The following ANOS1 variants were observed in gnomAD, a reference collection of about 807,000 sequenced individuals.
ANOS1 encodes anosmin-1.
A neutral mutation model predicts 59.0 loss-of-function variants in ANOS1; 6 were observed. The ratio of observed to expected loss-of-function variants is 0.10; its 90% CI spans 0.06 to 0.20. The LOEUF (loss-of-function observed/expected upper bound fraction) is 0.20. ANOS1 is among the 10% of genes least tolerant of loss of function. ANOS1 has a pLI of 1.00. For synonymous variants in ANOS1, 217 were observed against 223.4 expected (o/e 0.97, Z 0.25); for missense variants, 433 against 542.3 (o/e 0.80, Z 2.00).
At chrX:8,589,998 C>T (rs1930587657) in intron 4 of ANOS1, among the ~76,000 whole-genome samples, 1 of 112,003 alleles carries the variant, frequency 8.9e-6, no homozygotes, top group Non-Finnish European at 1.9e-5. Context: ...TCCATGATGG[C>T]CACCTGACTT....
At chrX:8,667,564 T>C (rs1326445678) in intron 2 of ANOS1, among the ~76,000 whole-genome samples, 1 of 111,730 alleles carries the variant, frequency 9.0e-6, no homozygotes, top group Non-Finnish European at 1.9e-5. Flanking sequence ...TTCCAGAGAA[T>C]GAAAACCACT....
intron 2 of ANOS1, among the ~76,000 whole-genome samples, chrX:8,627,807 T>G (rs1844493713): frequency 9.2e-6 from 1 of 108,330 alleles, no homozygotes; most frequent in South Asian, 4.0e-4. Flanking sequence ...TCATACTTCA[T>G]GTAGAACAAA....
chrX:8,612,521 A>G (rs1202512623), intron 3 of ANOS1, among the ~76,000 whole-genome samples: 2 of 107,217 alleles, frequency 1.9e-5, no homozygotes, highest in African/African-American at 6.9e-5. Flanking sequence ...GGAAATGACA[A>G]AAAAATAAAG....
chrX:8,671,683 C>T (rs778836872), intron 2 of ANOS1, among the ~76,000 whole-genome samples: 49 of 106,318 alleles, frequency 4.6e-4, no homozygotes, highest in Admixed American at 2.7e-3. Flanking sequence ...ACATAGTATA[C>T]AATAGTATAG....
intron 2 of ANOS1, among the ~76,000 whole-genome samples, chrX:8,688,811 G>C (rs1932561347): frequency 8.9e-6 from 1 of 112,148 alleles, no homozygotes; most frequent in South Asian, 3.7e-4. Context: ...TCAGCAGACA[G>C]GCTAGTTTCT....
Position 8,686,869 on chromosome X carries a change from G to T in ANOS1, c.255+12829C>A, listed in dbSNP as rs767175591. 4.0e-3 allele frequency among the ~76,000 whole-genome samples: 447 copies of T among 112,061 alleles called. 2 individuals carry two copies. Among genetic ancestry groups the T allele is most frequent in the African/African-American group, 0.014 (431 of 30,841 alleles). ...CTCAGAAGGCTGAGGCAGGGGAATTGCTTGAACCCAGGAAGTGGAGGTTGC... is the reference window on the plus strand; with the variant it reads ...CTCAGAAGGCTGAGGCAGGGGAATTTCTTGAACCCAGGAAGTGGAGGTTGC... On this transcript the variant is annotated intron_variant, in intron 2 of 13. Transcript: ENST00000262648.
chrX:8,570,475 A>G (rs1169304636), intron 7 of ANOS1, 24 bp downstream of exon 7: 3 of 1,175,613 alleles, frequency 2.6e-6, no homozygotes, highest in Non-Finnish European at 3.5e-6. Flanking sequence ...GGGAATAACA[A>G]TCCTTCCTCC....
chrX:8,576,781 A>G (rs1473585440), intron 6 of ANOS1, among the ~76,000 whole-genome samples: 1 of 111,404 alleles, frequency 9.0e-6, no homozygotes, highest in African/African-American at 3.3e-5. Context: ...ACACCTCTAC[A>G]TGCCACACTC....
intron 6 of ANOS1, among the ~76,000 whole-genome samples, chrX:8,573,250 A>T (rs1460542762): frequency 9.1e-6 from 1 of 109,898 alleles, no homozygotes; most frequent in African/African-American, 3.3e-5. Flanking sequence ...TTTTGTAGAG[A>T]TGGGGTTTCA....
rs1013505804 is a variant in ANOS1 at position 8,666,771 on chromosome X, C to T, written c.255+32927G>A. 1.5e-4 allele frequency among the ~76,000 whole-genome samples: 17 copies of T among 111,771 alleles called. No homozygotes were observed. The South Asian group carries it at 3.8e-3, about 25-fold the overall frequency. On this transcript the variant is annotated intron_variant, in intron 2 of 13. Transcript: ENST00000262648. ...CCATCCAAAATGTGGACATTGACAT[C>T]GGCGCTGATAAGTCCCCTTCAACTT...
intron 2 of ANOS1, among the ~76,000 whole-genome samples, chrX:8,690,905 C>G (rs1478461470): frequency 3.6e-5 from 4 of 110,704 alleles, no homozygotes; most frequent in Non-Finnish European, 7.6e-5. Context: ...CACATACACT[C>G]CAAACCAAAT....
In ANOS1 at chrX:8,720,543, T is replaced by A. The variant is rs865827046; in HGVS notation, c.207+11287A>T. Among the ~76,000 whole-genome samples the A allele has an allele frequency of 2.3e-4, 26 of 112,100 alleles. No homozygotes were observed. In the South Asian group the frequency reaches 4.5e-3, roughly 19 times the overall value. On this transcript the variant is annotated intron_variant, in intron 1 of 13. Coordinates refer to ENST00000262648, the MANE Select transcript of ANOS1 (RefSeq NM_000216.4). ...AAAAGACGATTCATGGTTTTAATAGTTTCTTTCTTCACGTCAACAACTTGC... is the reference window on the plus strand; with the variant it reads ...AAAAGACGATTCATGGTTTTAATAGATTCTTTCTTCACGTCAACAACTTGC...
At chrX:8,552,915 A>G (rs1399764043) in intron 9 of ANOS1, among the ~76,000 whole-genome samples, 1 of 109,359 alleles carries the variant, frequency 9.1e-6, no homozygotes, top group African/African-American at 3.3e-5. Context: ...AAATATGTTA[A>G]TATTAATAAT....
intron 5 of ANOS1, 102 bp downstream of exon 5, chrX:8,587,692 T>C: frequency 1.7e-6 from 1 of 590,088 alleles, no homozygotes; most frequent in Non-Finnish European, 2.8e-6. Context: ...TTTATTTCTG[T>C]AGTCAAGCTA....
At chrX:8,587,621 T>C (rs1168752530) in intron 5 of ANOS1, among the ~76,000 whole-genome samples, 173 bp downstream of exon 5, 1 of 111,983 alleles carries the variant, frequency 8.9e-6, no homozygotes, top group Non-Finnish European at 1.9e-5. Flanking sequence ...CATTCGTTTG[T>C]ATCTATGAAC....
At chrX:8,677,244 C>G (rs937670969) in intron 2 of ANOS1, among the ~76,000 whole-genome samples, 3 of 111,416 alleles carry the variant, frequency 2.7e-5, no homozygotes, top group Non-Finnish European at 5.6e-5. Context: ...TGACCGCCCC[C>G]ACTAGATACC....
intron 2 of ANOS1, among the ~76,000 whole-genome samples, chrX:8,664,570 T>C (rs6654879): frequency 0.18 from 19,484 of 109,913 alleles, 3,199 homozygotes; most frequent in African/African-American, 0.52. Context: ...ACAAAATAAA[T>C]GTATGCGTGC....
chrX:8,587,056 G>A (rs190456217), intron 5 of ANOS1, among the ~76,000 whole-genome samples: 2 of 109,427 alleles, frequency 1.8e-5, no homozygotes, highest in East Asian at 5.7e-4. Flanking sequence ...AGGCATTTTA[G>A]TTGTCTAAAG....
intron 2 of ANOS1, among the ~76,000 whole-genome samples, chrX:8,624,282 T>C (rs920374466): frequency 3.6e-5 from 4 of 111,411 alleles, no homozygotes; most frequent in Admixed American, 9.6e-5. Context: ...TCCCAAACTG[T>C]TGGGATTACA....
Sources: gnomAD v4.1 joint callset for allele counts (sites outside exome capture counted in the v4.1 genomes callset) on GRCh38, gnomAD v4.1.1 for gene constraint, MANE v1.5 for transcripts, NCBI Gene and HGNC (gene_info 2026-07-23, HGNC 2026-07-21) for gene names.